Variants in UGT1A9 observed in about 807,000 individuals in gnomAD.
UGT1A9 encodes the protein UDP glucuronosyltransferase family 1 member A9, also known as UDP-glucuronosyltransferase 1A9.
Under a neutral mutation model 45.0 loss-of-function variants are expected in UGT1A9, and 35 were observed. That is an observed-to-expected ratio of 0.78 (90% CI 0.59 to 1.03). The LOEUF (loss-of-function observed/expected upper bound fraction) is 1.03. Ranked by LOEUF, UGT1A9 falls within the 50% of genes least tolerant of loss-of-function variation. The pLI is 0.00. For synonymous variants in UGT1A9, 278 were observed against 250.6 expected (o/e 1.11, Z -1.03); for missense variants, 687 against 666.6 (o/e 1.03, Z -0.34).
intron 1 of UGT1A9, chr2:233,743,869 G>A (rs763783144): frequency 1.5e-5 from 21 of 1,367,022 alleles, no homozygotes; most frequent in Admixed American, 1.9e-5. Flanking sequence ...TGATGGCCTC[G>A]GATGAGGCCT....
At chr2:233,730,052 G>T in intron 1 of UGT1A9, 3 of 1,612,052 alleles carry the variant, frequency 1.9e-6, no homozygotes, top group Non-Finnish European at 2.5e-6. Flanking sequence ...TTAAAAAAAT[G>T]TATTTATTTA....
intron 1 of UGT1A9, among the ~76,000 whole-genome samples, chr2:233,676,224 C>T (rs1366951476): frequency 6.6e-6 from 1 of 152,180 alleles, no homozygotes; most frequent in African/African-American, 2.4e-5. Context: ...CCGATGGATT[C>T]ATCAGAAGCA....
In UGT1A9 at chr2:233,734,701, C is replaced by T. The variant is rs1205669329; in HGVS notation, c.856-32333C>T. On this transcript the variant is annotated intron_variant, in intron 1 of 4. Coordinates refer to ENST00000354728, the MANE Select transcript of UGT1A9 (RefSeq NM_021027.3). ...CTGATTTAAATGTGTCCCAGAGATT[C>T]TGGTATGTTGTGTCTTTGTTCTCGT... Among the ~76,000 whole-genome samples, 1,503 of 152,228 alleles carry T rather than the reference C, an allele frequency of 9.9e-3. 21 individuals carry two copies. The highest frequency in any genetic ancestry group is 0.035 in the African/African-American group (1,434 of 41,552).
chr2:233,743,691 C>T (rs368518074), intron 1 of UGT1A9: 24 of 1,367,118 alleles, frequency 1.8e-5, no homozygotes, highest in Non-Finnish European at 2.2e-5. Context: ...CCTGTGCAGC[C>T]GCCCTCCGCC....
intron 1 of UGT1A9, among the ~76,000 whole-genome samples, chr2:233,744,769 C>T (rs1692917146): frequency 6.6e-6 from 1 of 151,856 alleles, no homozygotes; most frequent in Non-Finnish European, 1.5e-5. Flanking sequence ...TTTAACTTTG[C>T]AAAATTCTCC....
intron 1 of UGT1A9, among the ~76,000 whole-genome samples, chr2:233,714,825 A>G (rs971124099): frequency 1.3e-5 from 2 of 152,238 alleles, no homozygotes; most frequent in African/African-American, 4.8e-5. Flanking sequence ...AGTGACAACA[A>G]TATGGTGAAT....
chr2:233,762,662 A>G (rs1559409315), intron 1 of UGT1A9, among the ~76,000 whole-genome samples: 1 of 152,070 alleles, frequency 6.6e-6, no homozygotes, highest in Non-Finnish European at 1.5e-5. Flanking sequence ...TTTGTAGTTT[A>G]AAAAACATTT....
Position 233,767,084 on chromosome 2 carries a change from C to G in UGT1A9, c.906C>G (p.Phe302Leu). 6.2e-7 allele frequency: 1 copy of G among 1,614,120 alleles called. No homozygotes were observed. Among genetic ancestry groups the G allele is most frequent in the Non-Finnish European group, 8.5e-7 (1 of 1,180,022 alleles). The change falls in exon 2 of 5, where the codon TTC becomes TTG. Residue 302 changes from phenylalanine (F) to leucine (L), a missense_variant. Transcript: ENST00000354728. ...NASGEHGIVV[F>L]SLGSMVSEIP... ...CTGGAGAACATGGAATTGTGGTTTT[C>G]TCTTTGGGATCAATGGTCTCAGAAA...
intron 1 of UGT1A9, among the ~76,000 whole-genome samples, chr2:233,686,641 T>A (rs1181481627): frequency 6.6e-6 from 1 of 152,126 alleles, no homozygotes; most frequent in African/African-American, 2.4e-5. Flanking sequence ...TAATGTGATA[T>A]CAAACATGAT....
chr2:233,767,705 C>T, intron 2 of UGT1A9, 144 bp from the exon 3 acceptor site: 1 of 1,520,160 alleles, frequency 6.6e-7, no homozygotes, highest in Non-Finnish European at 8.8e-7. Context: ...TGCCAGTCCT[C>T]AGAAGCCTTC....
rs139927449 is a variant in UGT1A9, at chr2:233,718,873, T to C, written c.855+46084T>C. 3.7e-6 allele frequency: 6 copies of C among 1,613,914 alleles called. No homozygotes were observed. In the South Asian group the frequency reaches 6.6e-5, roughly 18 times the overall value. On this transcript the variant is annotated intron_variant, in intron 1 of 4. Transcript: ENST00000354728. Reference sequence around the variant, plus strand: ...CCGCGGCTGGCCACAGGACTGCTGCTCCTCCTCAGTGTCCAGCCCTGGGCT... The same window carrying C: ...CCGCGGCTGGCCACAGGACTGCTGCCCCTCCTCAGTGTCCAGCCCTGGGCT...
At position 233,769,478 on chromosome 2, in the gene UGT1A9, TGC is replaced by T; in HGVS notation, c.1295+1041_1295+1042del. The stretch of plus-strand genomic sequence containing the variant: ...GCATTCATATGCGTGTGTGTGTGTG[TGC>T]GTGTGTTTATGAGAGTGTCCATTGC... On this transcript the variant is annotated intron_variant, in intron 4 of 4. Transcript: ENST00000354728. The surrounding 1 kb of genome is among the most constrained non-coding windows in gnomAD (Gnocchi z 4.4). 2 of 1,611,018 alleles carry T rather than the reference TGC, an allele frequency of 1.2e-6. No individual in the cohort carries two copies. Among genetic ancestry groups the T allele is most frequent in the South Asian group, 1.1e-5 (1 of 90,926 alleles).
chr2:233,711,824 G>A (rs1206489397), intron 1 of UGT1A9, among the ~76,000 whole-genome samples: 1 of 152,226 alleles, frequency 6.6e-6, no homozygotes, highest in African/African-American at 2.4e-5. Flanking sequence ...GGGCGACCAG[G>A]ACAAGGAGGC....
At chr2:233,679,731 T>G (rs1382822795) in intron 1 of UGT1A9, among the ~76,000 whole-genome samples, 1 of 152,152 alleles carries the variant, frequency 6.6e-6, no homozygotes, top group Non-Finnish European at 1.5e-5. Flanking sequence ...AAGCCAAACC[T>G]CTTTGTAAAA....
chr2:233,762,816 G>T (rs28946889), intron 1 of UGT1A9, among the ~76,000 whole-genome samples: 30,774 of 150,410 alleles, frequency 0.2, 3,870 homozygotes, highest in East Asian at 0.45. Flanking sequence ...TCAAAATATT[G>T]ATTTTCATAA....
At chr2:233,770,350 T>C (rs1700063045) in intron 4 of UGT1A9, 1 of 152,104 alleles carries the variant, frequency 6.6e-6, no homozygotes, top group Non-Finnish European at 1.5e-5. Flanking sequence ...CAATTACTAT[T>C]GAATGAATGA....
intron 1 of UGT1A9, among the ~76,000 whole-genome samples, chr2:233,706,536 GC>G: frequency 6.6e-6 from 1 of 152,322 alleles, no homozygotes; most frequent in African/African-American, 2.4e-5. Context: ...TAGAAACACA[GC>G]TTTTTTTCTA....
At chr2:233,726,389 CAT>C (rs2077529485) in intron 1 of UGT1A9, among the ~76,000 whole-genome samples, 1 of 152,150 alleles carries the variant, frequency 6.6e-6, no homozygotes, top group Non-Finnish European at 1.5e-5. Flanking sequence ...GCTTCCATCT[CAT>C]AGTCTTTTGA....
chr2:233,724,006 C>T (rs1270251219), intron 1 of UGT1A9, among the ~76,000 whole-genome samples: 22 of 69,754 alleles, frequency 3.2e-4, no homozygotes, highest in Admixed American at 5.0e-4. Flanking sequence ...TCCACAAAGC[C>T]GCCATTGTCA....
Sources: gnomAD v4.1 joint callset for allele counts (sites outside exome capture counted in the v4.1 genomes callset) on GRCh38, gnomAD v4.1.1 for gene constraint, Gnocchi (gnomAD v3.1) non-coding constraint, MANE v1.5 for transcripts, NCBI Gene and HGNC (gene_info 2026-07-23, HGNC 2026-07-21) for gene names.